The following CDKL5 variants were observed in gnomAD, a reference collection of about 807,000 sequenced individuals.
CDKL5 encodes cyclin-dependent kinase-like 5.
Under a neutral mutation model 61.7 loss-of-function variants are expected in CDKL5, and 8 were observed. The observed-to-expected ratio is 0.13, with a 90% CI of 0.08 to 0.23. The LOEUF is 0.23. CDKL5 is among the 10% of genes least tolerant of loss of function. CDKL5 has a pLI of 1.00. For synonymous variants in CDKL5, 275 were observed against 272.3 expected (o/e 1.01, Z -0.10); for missense variants, 440 against 734.5 (o/e 0.60, Z 4.63).
At chrX:18,551,274 A>G (rs1158484250) in intron 3 of CDKL5, among the ~76,000 whole-genome samples, 1 of 110,900 alleles carries the variant, frequency 9.0e-6, no homozygotes, top group Non-Finnish European at 1.9e-5. Flanking sequence ...ACCCACTTAT[A>G]TACAATAAGA....
intron 1 of CDKL5, among the ~76,000 whole-genome samples, chrX:18,479,797 T>G (rs1435656314): frequency 1.8e-5 from 2 of 111,817 alleles, no homozygotes; most frequent in African/African-American, 6.5e-5. Flanking sequence ...CATTTTTCAT[T>G]TTTTTCTGTG....
At chrX:18,648,118 C>T (rs1927865709) in intron 20 of CDKL5, among the ~76,000 whole-genome samples, 1 of 111,276 alleles carries the variant, frequency 9.0e-6, no homozygotes, top group African/African-American at 3.3e-5. Flanking sequence ...AGGAGAATCG[C>T]TTGAACCCGG....
downstream of CDKL5, chrX:18,644,471 G>A: frequency 8.3e-7 from 1 of 1,211,489 alleles, no homozygotes. Context: ...ATCCAGTTCA[G>A]GCGCTCATCG....
Position 18,632,634 on chromosome X carries a change from T to A in CDKL5, c.*3877T>A. ...CTTTGGTTAAATCTGTTTTAAAACA[T>A]GCTTTAAGATTCACCTTACGCAGTT... On this transcript the variant is annotated 3_prime_UTR_variant, in exon 18 of 18. Transcript: ENST00000623535. 2.7e-6 allele frequency: 2 copies of A among 754,543 alleles called. No individual in the cohort carries two copies. Among genetic ancestry groups the A allele is most frequent in the South Asian group, 1.3e-4 (2 of 14,883 alleles). The allele number at this position is 754,543 out of a possible 1,213,427, so 62.2% of individuals were successfully genotyped here.
chrX:18,545,046 A>G (rs1337392751), intron 3 of CDKL5, among the ~76,000 whole-genome samples: 3 of 110,934 alleles, frequency 2.7e-5, no homozygotes, highest in Non-Finnish European at 5.7e-5. Context: ...TGGTCAACAT[A>G]GGGAGACCCT....
rs541216118 is a variant in CDKL5, at chrX:18,593,428, C to T, written c.745-1920C>T. 4.5e-5 allele frequency among the ~76,000 whole-genome samples: 5 copies of T among 111,782 alleles called. No individual in the cohort carries two copies. In the South Asian group the frequency reaches 1.9e-3, roughly 42 times the overall value. ...GAAAAAATAAGGGGGTATCTGGTAG[C>T]ATAAGATAGACCTCATACACAAAAT... On this transcript the variant is annotated intron_variant, in intron 9 of 17. Transcript: ENST00000623535.
downstream of CDKL5, among the ~76,000 whole-genome samples, chrX:18,642,819 C>T (rs1406075393): frequency 9.2e-6 from 1 of 109,084 alleles, no homozygotes; most frequent in Non-Finnish European, 1.9e-5. Flanking sequence ...GCGGGCGGAT[C>T]GTTTGAGGTC....
chrX:18,650,186 C>A, intron 20 of CDKL5: 1 of 462,793 alleles, frequency 2.2e-6, no homozygotes, highest in Non-Finnish European at 3.8e-6. Flanking sequence ...GGTACCTGGC[C>A]AGGGCCAATG....
At position 18,630,753 on chromosome X, in the gene CDKL5, A is replaced by C; in HGVS notation, c.*1996A>C. On this transcript the variant is annotated 3_prime_UTR_variant, in exon 18 of 18. Coordinates refer to ENST00000623535, the MANE Select transcript of CDKL5 (RefSeq NM_001323289.2). ...ACTATTACTGAAAAAATTTGACTCA[A>C]ACCAATAGTTTTGCATGCTCTTTAG... 1 of 751,175 alleles carries C rather than the reference A, an allele frequency of 1.3e-6. No individual in the cohort carries two copies. Among genetic ancestry groups the C allele is most frequent in the Non-Finnish European group, 1.6e-6 (1 of 637,918 alleles). 61.9% of individuals were successfully genotyped at this position (751,175 alleles called of 1,213,427 possible).
intron 15 of CDKL5, among the ~76,000 whole-genome samples, chrX:18,614,773 A>G (rs1400833132): frequency 1.8e-5 from 2 of 112,395 alleles, no homozygotes; most frequent in Non-Finnish European, 3.8e-5. Flanking sequence ...AGTGTTGACC[A>G]TTTTCTGGTG....
intron 4 of CDKL5, among the ~76,000 whole-genome samples, chrX:18,565,738 C>CACATGCAT (rs1924949157): frequency 8.9e-6 from 1 of 112,319 alleles, no homozygotes; most frequent in South Asian, 3.7e-4. Flanking sequence ...TTATATGAAA[C>CACATGCAT]ACATGCATAT....
chrX:18,600,704 A>T (rs1926151181), intron 11 of CDKL5, among the ~76,000 whole-genome samples: 1 of 111,461 alleles, frequency 9.0e-6, no homozygotes, highest in Non-Finnish European at 1.9e-5. Context: ...GTTAAGGAGG[A>T]TGTGCTTGGT....
chrX:18,518,547 G>A (rs2147100624), intron 3 of CDKL5, among the ~76,000 whole-genome samples: 1 of 106,004 alleles, frequency 9.4e-6, no homozygotes, highest in African/African-American at 3.4e-5. Flanking sequence ...TGGGACTACA[G>A]GTGCCCGCTA....
chrX:18,573,558 A>G (rs1483499938), intron 4 of CDKL5, among the ~76,000 whole-genome samples: 1 of 112,128 alleles, frequency 8.9e-6, no homozygotes, highest in Non-Finnish European at 1.9e-5. Context: ...CATCTCAGAC[A>G]TTCCCCCACT....
intron 3 of CDKL5, among the ~76,000 whole-genome samples, chrX:18,536,478 A>G (rs1303877786): frequency 7.2e-5 from 5 of 69,281 alleles, no homozygotes; most frequent in South Asian, 9.8e-4. Context: ...ACGGAGTCCC[A>G]CTCTGTTGCC....
In CDKL5 at chrX:18,603,981, C is replaced by T. The variant is rs1569219247; in HGVS notation, c.1057C>T (p.Leu353=). The T allele has an allele frequency of 1.7e-6, 2 of 1,210,674 alleles. No individual in the cohort carries two copies. The highest frequency in any genetic ancestry group is 2.2e-6 in the Non-Finnish European group (2 of 894,900). ...SKDIQNLSVG[L]PRADEGLPAN... Reference sequence around the variant, plus strand: ...GGACATCCAGAACCTGAGTGTAGGCCTGCCCCGGGCTGACGAAGGTCTCCC... The same window carrying T: ...GGACATCCAGAACCTGAGTGTAGGCTTGCCCCGGGCTGACGAAGGTCTCCC... Residue 353 remains leucine (L), a synonymous_variant, in exon 12 of 18, where the codon CTG becomes TTG. Transcript: ENST00000623535.
intron 1 of CDKL5, among the ~76,000 whole-genome samples, chrX:18,482,636 A>T (rs1222341589): frequency 9.1e-6 from 1 of 109,656 alleles, no homozygotes; most frequent in Non-Finnish European, 1.9e-5. Context: ...CAAATACCTT[A>T]GCAATTCTGC....
intron 1 of CDKL5, among the ~76,000 whole-genome samples, chrX:18,434,156 A>G (rs1931560587): frequency 8.9e-6 from 1 of 112,189 alleles, no homozygotes; most frequent in Non-Finnish European, 1.9e-5. Flanking sequence ...CCACTTGTGC[A>G]GGTTTCCTCC....
chrX:18,622,630 C>A (rs769129954), intron 16 of CDKL5, among the ~76,000 whole-genome samples: 1 of 112,263 alleles, frequency 8.9e-6, no homozygotes, highest in African/African-American at 3.2e-5. Context: ...TACATAGAGA[C>A]GCATGACATG....
Sources: gnomAD v4.1 joint callset for allele counts (sites outside exome capture counted in the v4.1 genomes callset) on GRCh38, gnomAD v4.1.1 for gene constraint, MANE v1.5 for transcripts, NCBI Gene and HGNC (gene_info 2026-07-23, HGNC 2026-07-21) for gene names.